PODXL2: variants seen among roughly 807,000 people sequenced by gnomAD.
PODXL2 encodes podocalyxin like 2.
A neutral mutation model predicts 53.4 loss-of-function variants in PODXL2; 17 were observed. The ratio of observed to expected loss-of-function variants is 0.32; its 90% CI spans 0.22 to 0.48. PODXL2 has a LOEUF of 0.48. Ranked by LOEUF, PODXL2 falls within the 20% of genes least tolerant of loss-of-function variation. The probability of loss-of-function intolerance (pLI) is 0.99; values close to 1 mark genes in which losing one functional copy is unlikely to be tolerated. For missense variants in PODXL2, 673 were observed against 760.0 expected, an observed-to-expected ratio of 0.89 and a Z score of 1.35; for synonymous variants, 311 against 306.7, an observed-to-expected ratio of 1.01 and a Z score of -0.15.
Position 127,658,975 on chromosome 3 carries a change from CTTTTCCTTGACT to C in PODXL2, c.350-1398_350-1387del, listed in dbSNP as rs571791807. 3.4e-4 allele frequency among the ~76,000 whole-genome samples: 51 copies of C among 151,652 alleles called. 1 individual carries two copies. The East Asian group carries it at 9.1e-3, about 27-fold the overall frequency. On this transcript the variant is annotated intron_variant, in intron 2 of 7. Transcript: ENST00000342480. ...TGTCTTCTCACTTTTGCCCTAGAGG[CTTTTCCTTGACT>C]TTTTTTTTTCCCAGCCATTAAAAAT...
At chr3:127,630,198 T>G (rs1466286642) in intron 1 of PODXL2, among the ~76,000 whole-genome samples, 2 of 152,052 alleles carry the variant, frequency 1.3e-5, no homozygotes, top group Non-Finnish European at 2.9e-5. Flanking sequence ...AGAAGGGCTG[T>G]CTGCAAAGGT....
At chr3:127,656,156 TCTTA>T (rs2074722039) in intron 2 of PODXL2, among the ~76,000 whole-genome samples, 1 of 152,270 alleles carries the variant, frequency 6.6e-6, no homozygotes, top group Non-Finnish European at 1.5e-5. Flanking sequence ...CCTATTTTAT[TCTTA>T]CTTAAGACAC....
chr3:127,650,612 CT>C (rs1346807763), intron 2 of PODXL2, among the ~76,000 whole-genome samples: 3 of 152,150 alleles, frequency 2.0e-5, no homozygotes, highest in Non-Finnish European at 2.9e-5. Context: ...TGTGTACCCC[CT>C]GTGCTGATTT....
At chr3:127,635,086 C>T (rs1287313624) in intron 1 of PODXL2, among the ~76,000 whole-genome samples, 1 of 152,220 alleles carries the variant, frequency 6.6e-6, no homozygotes, top group African/African-American at 2.4e-5. Flanking sequence ...CCCTGAGTGG[C>T]ATGGTTGTCT....
At chr3:127,647,534 C>T (rs772166293) in intron 2 of PODXL2, among the ~76,000 whole-genome samples, 7 of 152,208 alleles carry the variant, frequency 4.6e-5, no homozygotes, top group Non-Finnish European at 7.3e-5. Flanking sequence ...GACAGGCTCA[C>T]GGGCCTGTCT....
rs143547670 is a variant in PODXL2, at chr3:127,660,989, C to G, written c.961C>G (p.Pro321Ala). The G allele has an allele frequency of 1.0e-4, 167 of 1,614,124 alleles. No homozygotes were observed. Among genetic ancestry groups the G allele is most frequent in the Non-Finnish European group, 1.3e-4 (151 of 1,180,048 alleles). The change falls in exon 3 of 8, where the codon CCA (proline) becomes GCA (alanine). Residue 321 changes from proline to alanine, a missense_variant. Physicochemically the swap from Pro to Ala is conservative, Grantham distance 27. Transcript: ENST00000342480. ...QTTAPSGAEH[P>A]DEDPLGSRTS... is the part of the protein sequence containing the mutation. Reference sequence around the variant, plus strand: ...CACAGCTCCCAGTGGGGCCGAGCACCCAGATGAAGATCCCCTTGGCTCTAG... The same window carrying G: ...CACAGCTCCCAGTGGGGCCGAGCACGCAGATGAAGATCCCCTTGGCTCTAG...
At chr3:127,664,167 T>C (rs2074782801) in intron 4 of PODXL2, among the ~76,000 whole-genome samples, 1 of 152,086 alleles carries the variant, frequency 6.6e-6, no homozygotes, top group African/African-American at 2.4e-5. Flanking sequence ...CACCCACCAT[T>C]CTCCTTGCAC....
At chr3:127,643,730 C>T (rs1247473669) in intron 2 of PODXL2, among the ~76,000 whole-genome samples, 1 of 152,026 alleles carries the variant, frequency 6.6e-6, no homozygotes, top group Admixed American at 6.6e-5. Flanking sequence ...CCTTGACCTC[C>T]TGGGCTCAAT....
intron 2 of PODXL2, among the ~76,000 whole-genome samples, chr3:127,655,836 G>A (rs1354265896): frequency 1.3e-5 from 2 of 152,258 alleles, no homozygotes; most frequent in Admixed American, 6.5e-5. Context: ...AGAGAAAATA[G>A]ATGCAGCCTG....
chr3:127,654,172 C>G (rs182651839), intron 2 of PODXL2, among the ~76,000 whole-genome samples: 25 of 152,296 alleles, frequency 1.6e-4, no homozygotes, highest in Admixed American at 9.1e-4. Context: ...GGAAAACCCT[C>G]TAATCTTTCT....
chr3:127,644,707 A>T (rs996784832), intron 2 of PODXL2, among the ~76,000 whole-genome samples: 2 of 152,186 alleles, frequency 1.3e-5, no homozygotes, highest in Non-Finnish European at 2.9e-5. Context: ...AATACCGGCT[A>T]TGCATAGGCC....
rs2074837924 is a variant in PODXL2 at position 127,671,499 on chromosome 3, C to T, written c.1491C>T (p.Asp497=). The change falls in exon 7 of 8, where the codon GAC becomes GAT. Residue 497 remains aspartate, a synonymous_variant. Transcript: ENST00000342480. ...CGCGGGCCAGCCAGGTGCGCAGCGA[C>T]TACGGCACGCTCTTCGTGGTGCTGG... The part of the protein sequence containing the change: ...CQARASQVRS[D]YGTLFVVLVV... The T allele has an allele frequency of 6.2e-7, 1 of 1,614,094 alleles. No individual in the cohort carries two copies. The highest frequency in any genetic ancestry group is 8.5e-7 in the Non-Finnish European group (1 of 1,180,036).
chr3:127,652,234 G>A (rs1218764181), intron 2 of PODXL2, among the ~76,000 whole-genome samples: 2 of 152,200 alleles, frequency 1.3e-5, no homozygotes, highest in African/African-American at 2.4e-5. Context: ...GGCGAGAGAT[G>A]GGCCCTTTGC....
chr3:127,631,804 A>G (rs1411016896), intron 1 of PODXL2, among the ~76,000 whole-genome samples: 1 of 152,230 alleles, frequency 6.6e-6, no homozygotes, highest in African/African-American at 2.4e-5. Context: ...GAAAATATCA[A>G]GTTCTATGTA....
intron 6 of PODXL2, among the ~76,000 whole-genome samples, chr3:127,670,022 G>A (rs1429455046): frequency 1.3e-5 from 2 of 152,244 alleles, no homozygotes; most frequent in African/African-American, 4.8e-5. Context: ...GAGATGAGTG[G>A]TATAATGCTG....
intron 2 of PODXL2, among the ~76,000 whole-genome samples, chr3:127,644,178 C>G (rs1437587792): frequency 2.0e-5 from 3 of 152,102 alleles, no homozygotes; most frequent in African/African-American, 7.2e-5. Context: ...GTGGTGTGAT[C>G]TCTGCTTACT....
At chr3:127,666,362 CTTTTT>C (rs58975531) in intron 4 of PODXL2, among the ~76,000 whole-genome samples, 1 of 142,850 alleles carries the variant, frequency 7.0e-6, no homozygotes, top group Non-Finnish European at 1.5e-5. Context: ...AGAGGTACTT[CTTTTT>C]TTTTTTTTTT....
rs1212850464 is a variant in PODXL2 at position 127,669,051 on chromosome 3, G to A, written c.1364-90G>A. On this transcript the variant is annotated intron_variant, in intron 5 of 7. Coordinates refer to ENST00000342480, the MANE Select transcript of PODXL2 (RefSeq NM_015720.4). ...AGCCAGGAAGGGAGACAGAGGCTCAGGCCAGCTGTTGGAGAGCGGGGCCAG... is the reference window on the plus strand; with the variant it reads ...AGCCAGGAAGGGAGACAGAGGCTCAAGCCAGCTGTTGGAGAGCGGGGCCAG... 3 of 785,820 alleles carry A rather than the reference G, an allele frequency of 3.8e-6. No homozygotes were observed. In the Admixed American group the frequency reaches 8.8e-5, roughly 23 times the overall value. The allele number at this position is 785,820 out of a possible 1,614,324, so 48.7% of individuals were successfully genotyped here.
At position 127,660,766 on chromosome 3, in the gene PODXL2, T is replaced by C; in HGVS notation, c.738T>C (p.Pro246=). 2 of 1,614,046 alleles carry C rather than the reference T, an allele frequency of 1.2e-6. No homozygotes were observed. The highest frequency in any genetic ancestry group is 1.7e-6 in the Non-Finnish European group (2 of 1,179,964). Residue 246 remains proline (P), a synonymous_variant, in exon 3 of 8, where the codon CCT becomes CCC. Coordinates refer to ENST00000342480, the MANE Select transcript of PODXL2 (RefSeq NM_015720.4). ...ESSMGPSLLL[P]SVTPTTVTPG... The stretch of plus-strand genomic sequence containing the variant: ...GCATGGGGCCCAGCTTGCTGCTGCC[T>C]TCAGTCACCCCAACTACAGTGACTC...
Sources: gnomAD v4.1 joint callset for allele counts (sites outside exome capture counted in the v4.1 genomes callset) on GRCh38, gnomAD v4.1.1 for gene constraint, MANE v1.5 for transcripts, NCBI Gene and HGNC (gene_info 2026-07-23, HGNC 2026-07-21) for gene names.